Variants in JAKMIP2 observed in about 807,000 individuals in gnomAD.
JAKMIP2 encodes janus kinase and microtubule interacting protein 2, also known as janus kinase and microtubule-interacting protein 2.
A neutral mutation model predicts 115.0 loss-of-function variants in JAKMIP2; 25 were observed. The ratio of observed to expected loss-of-function variants is 0.22; its 90% confidence interval spans 0.16 to 0.30. JAKMIP2 has a LOEUF of 0.30. Among genes scored for constraint, JAKMIP2 ranks in the 10% least tolerant of loss-of-function variants. The pLI, the probability that JAKMIP2 is intolerant of heterozygous loss-of-function variation, is 1.00. For missense variants in JAKMIP2, 642 were observed against 957.6 expected, an observed-to-expected ratio of 0.67 and a Z score of 4.35; for synonymous variants, 334 against 343.6, an observed-to-expected ratio of 0.97 and a Z score of 0.31.
chr5:147,651,432 T>A (rs1758389487), intron 3 of JAKMIP2, among the ~76,000 whole-genome samples: 1 of 152,128 alleles, frequency 6.6e-6, no homozygotes, highest in African/African-American at 2.4e-5. Flanking sequence ...TAAACAATTT[T>A]TAAAGAGAGC....
At chr5:147,615,401 C>T (rs1460322704) in intron 19 of JAKMIP2, among the ~76,000 whole-genome samples, 1 of 152,108 alleles carries the variant, frequency 6.6e-6, no homozygotes, top group African/African-American at 2.4e-5. Context: ...TGGAAAATCA[C>T]AGCACAAGTG....
rs1308506361 is a variant in JAKMIP2, at chr5:147,736,077, C to CA, written c.-149+46378dup. On this transcript the variant is annotated intron_variant, in intron 1 of 21. Transcript: ENST00000616793. ...CCTACCCTTCATTTTTCAACTAGCT[C>CA]AAAAAAATACAGTGAACTGTTTTTC... is the stretch of plus-strand genomic sequence containing the variant. Among the ~76,000 whole-genome samples the CA allele has an allele frequency of 2.6e-5, 4 of 151,916 alleles. 1 individual carries two copies. The highest frequency in any genetic ancestry group is 4.1e-4 in the South Asian group (2 of 4,822).
chr5:147,725,118 T>C (rs998882994), intron 1 of JAKMIP2, among the ~76,000 whole-genome samples: 1 of 152,084 alleles, frequency 6.6e-6, no homozygotes, highest in Admixed American at 6.6e-5. Flanking sequence ...TTAATTATAA[T>C]GTATTAGGAT....
intron 20 of JAKMIP2, among the ~76,000 whole-genome samples, chr5:147,608,176 A>C (rs941611739): frequency 2.0e-5 from 3 of 151,892 alleles, no homozygotes; most frequent in Admixed American, 1.3e-4. Context: ...TATCTCCTTC[A>C]GTTTTGCTCT....
intron 1 of JAKMIP2, among the ~76,000 whole-genome samples, chr5:147,691,384 T>C (rs1751849041): frequency 6.6e-6 from 1 of 152,146 alleles, no homozygotes; most frequent in Admixed American, 6.5e-5. Flanking sequence ...TACTGTGAAG[T>C]AATTTGGATG....
At chr5:147,781,749 C>T (rs1755764936) in intron 1 of JAKMIP2, among the ~76,000 whole-genome samples, 1 of 152,148 alleles carries the variant, frequency 6.6e-6, no homozygotes, top group African/African-American at 2.4e-5. Context: ...CAATTACTTC[C>T]AGGCATGCAA....
intron 1 of JAKMIP2, among the ~76,000 whole-genome samples, chr5:147,675,124 C>G (rs1759863618): frequency 6.6e-6 from 1 of 152,104 alleles, no homozygotes; most frequent in African/African-American, 2.4e-5. Context: ...ACAATAGATA[C>G]ATTTTACATC....
At chr5:147,739,984 T>G (rs751025708) in intron 1 of JAKMIP2, among the ~76,000 whole-genome samples, 1 of 152,246 alleles carries the variant, frequency 6.6e-6, no homozygotes, top group Non-Finnish European at 1.5e-5. Flanking sequence ...TAAAGGGTTT[T>G]GGTTCATGTT....
intron 1 of JAKMIP2, among the ~76,000 whole-genome samples, chr5:147,694,922 A>C (rs1752035623): frequency 6.6e-6 from 1 of 152,194 alleles, no homozygotes; most frequent in Non-Finnish European, 1.5e-5. Context: ...ATTGTGACAA[A>C]TTTTGTGTTT....
intron 21 of JAKMIP2, among the ~76,000 whole-genome samples, chr5:147,601,207 C>T (rs546361774): frequency 6.3e-4 from 96 of 152,270 alleles, no homozygotes; most frequent in African/African-American, 2.3e-3. Flanking sequence ...GGTTTCTTCA[C>T]TTTTCTAATA....
chr5:147,671,615 C>T (rs1014182652), intron 2 of JAKMIP2, 63 bp downstream of exon 2: 24 of 1,302,046 alleles, frequency 1.8e-5, no homozygotes, highest in South Asian at 1.1e-4. Flanking sequence ...GAGCTGTGCT[C>T]GCTGCATGTG....
intron 1 of JAKMIP2, among the ~76,000 whole-genome samples, chr5:147,734,982 A>T (rs1440052107): frequency 1.3e-5 from 2 of 152,210 alleles, no homozygotes; most frequent in Non-Finnish European, 2.9e-5. Context: ...TACTGCAGGA[A>T]GCAGAGTAAA....
chr5:147,776,560 A>T (rs1045020527), intron 1 of JAKMIP2, among the ~76,000 whole-genome samples: 3 of 152,198 alleles, frequency 2.0e-5, no homozygotes, highest in Non-Finnish European at 4.4e-5. Context: ...GAACGGACTA[A>T]TACACTTGGT....
intron 5 of JAKMIP2, among the ~76,000 whole-genome samples, chr5:147,645,708 GC>G (rs1758100907): frequency 6.6e-6 from 1 of 152,096 alleles, no homozygotes; most frequent in Non-Finnish European, 1.5e-5. Context: ...GACATTTTGA[GC>G]CGGATGTTTT....
At chr5:147,723,706 T>TATGC (rs1383346676) in intron 1 of JAKMIP2, among the ~76,000 whole-genome samples, 1 of 152,202 alleles carries the variant, frequency 6.6e-6, no homozygotes, top group Admixed American at 6.5e-5. Context: ...TCTCATTTAC[T>TATGC]ATGCAGTCTG....
chr5:147,595,494 A>C (rs1262248104), intron 21 of JAKMIP2: 3 of 455,866 alleles, frequency 6.6e-6, no homozygotes, highest in Non-Finnish European at 1.3e-5. Context: ...CTCACCAGAC[A>C]CCAAACCTGC....
At chr5:147,616,989 T>C (rs1756619071) in intron 19 of JAKMIP2, among the ~76,000 whole-genome samples, 1 of 152,178 alleles carries the variant, frequency 6.6e-6, no homozygotes, top group Non-Finnish European at 1.5e-5. Flanking sequence ...CCATCTGAAT[T>C]TTGTACCAGT....
intron 1 of JAKMIP2, among the ~76,000 whole-genome samples, chr5:147,695,650 CTGTG>C (rs572202242): frequency 1.5e-4 from 22 of 142,988 alleles, no homozygotes; most frequent in East Asian, 2.2e-4. Context: ...AGTGAAAGGT[CTGTG>C]TGTGTGTGTG....
intron 10 of JAKMIP2, among the ~76,000 whole-genome samples, chr5:147,638,971 T>C (rs1443998007): frequency 6.6e-6 from 1 of 152,166 alleles, no homozygotes; most frequent in Non-Finnish European, 1.5e-5. Flanking sequence ...CAGCAAGCAC[T>C]CAATAAATAT....
Sources: gnomAD v4.1 joint callset for allele counts (sites outside exome capture counted in the v4.1 genomes callset) on GRCh38, gnomAD v4.1.1 for gene constraint, MANE v1.5 for transcripts, NCBI Gene and HGNC (gene_info 2026-07-23, HGNC 2026-07-21) for gene names.